The following CLIC5 variants were observed in gnomAD, a reference collection of about 807,000 sequenced individuals.
CLIC5 encodes CLIC family member 5.
CLIC5 carries 20 observed loss-of-function variants against 24.7 expected under a neutral mutation model. That is an observed-to-expected ratio of 0.81 (90% confidence interval 0.57 to 1.18). The LOEUF (loss-of-function observed/expected upper bound fraction) is 1.18. Ranked by LOEUF, CLIC5 falls within the 50% of genes most tolerant of loss-of-function variation. The pLI, the probability that CLIC5 is intolerant of heterozygous loss-of-function variation, is 0.00. For missense variants in CLIC5, 341 were observed against 326.1 expected, an observed-to-expected ratio of 1.05 and a Z score of -0.35; for synonymous variants, 159 against 135.6, an observed-to-expected ratio of 1.17 and a Z score of -1.20.
chr6:45,886,421 C>T (rs572030749), intron 6 of CLIC5, among the ~76,000 whole-genome samples: 1 of 152,318 alleles, frequency 6.6e-6, no homozygotes, highest in South Asian at 2.1e-4. Context: ...CTGTGCATAC[C>T]CCTTTCATCA....
At chr6:46,008,628 T>C (rs2127440140) in intron 1 of CLIC5, among the ~76,000 whole-genome samples, 1 of 151,154 alleles carries the variant, frequency 6.6e-6, no homozygotes, top group Middle Eastern at 3.4e-3. Context: ...TGATTGATTA[T>C]ATTTTATCCC....
the CLIC5 span, among the ~76,000 whole-genome samples, chr6:46,103,324 G>T: frequency 6.6e-6 from 1 of 152,144 alleles, no homozygotes; most frequent in African/African-American, 2.4e-5. Flanking sequence ...ACTTCGAGGT[G>T]GGGTGGCTGT....
In CLIC5 at chr6:45,958,443, T is replaced by TACACACACACACACACACAC. The variant is rs1283521914; in HGVS notation, c.64-3200_64-3199insGTGTGTGTGTGTGTGTGTGT. Among the ~76,000 whole-genome samples the TACACACACACACACACACAC allele has an allele frequency of 5.4e-3, 300 of 55,610 alleles. 22 individuals carry two copies. Among genetic ancestry groups the TACACACACACACACACACAC allele is most frequent in the South Asian group, 0.032 (53 of 1,644 alleles). 36.5% of individuals were successfully genotyped at this position (55,610 alleles called of 152,430 possible). On this transcript the variant is annotated intron_variant, in intron 1 of 5. Coordinates refer to ENST00000339561, the MANE Select transcript of CLIC5 (RefSeq NM_016929.5). Reference sequence around the variant, plus strand: ...ACAATTATATATATATATATATATATATATATATATATATATATATATATA... The same window carrying TACACACACACACACACACAC: ...ACAATTATATATATATATATATATATACACACACACACACACACACATATATATATATATATATATATATA...
intron 1 of CLIC5, among the ~76,000 whole-genome samples, chr6:46,050,880 T>G (rs1377714971): frequency 6.7e-6 from 1 of 149,870 alleles, no homozygotes; most frequent in East Asian, 2.0e-4. Context: ...TGTGTGTGCA[T>G]TCCTCCCCAT....
chr6:46,017,411 T>C (rs770169205), upstream of CLIC5, among the ~76,000 whole-genome samples: 2 of 152,212 alleles, frequency 1.3e-5, no homozygotes, highest in Non-Finnish European at 2.9e-5. Context: ...AATAGTATAA[T>C]GATCCCAATT....
At chr6:46,035,192 A>G (rs1767626641) in intron 1 of CLIC5, among the ~76,000 whole-genome samples, 1 of 152,220 alleles carries the variant, frequency 6.6e-6, no homozygotes, top group Non-Finnish European at 1.5e-5. Flanking sequence ...TGGCAAAACC[A>G]GGCCAGGAAC....
In CLIC5 at chr6:46,079,781, A is replaced by C. The variant is rs770582583; in HGVS notation, c.462T>G (p.Tyr154Ter). Residue 154 changes from tyrosine to a stop codon, truncating the protein, a stop_gained, in exon 1 of 6, where the codon TAT (tyrosine) becomes TAG (stop). Transcript: ENST00000185206. LOFTEE classifies it high-confidence loss of function. Reference sequence around the variant, plus strand: ...AACCTTCAGCATCAGAATAGCAGGAATACTTGGTGGTAGAGAAGGCCTTAC... The same window carrying C: ...AACCTTCAGCATCAGAATAGCAGGACTACTTGGTGGTAGAGAAGGCCTTAC... 2.6e-6 allele frequency: 4 copies of C among 1,552,082 alleles called. No individual in the cohort carries two copies. The highest frequency in any genetic ancestry group is 3.5e-6 in the Non-Finnish European group (4 of 1,147,060).
rs112716207 is a variant in CLIC5, at chr6:45,958,038, T to C, written c.64-2794A>G. ...CCCAAATTCATGTCCCCCTGGAATG[T>C]GTGCATGGGACCTTATTGGGAAACA... On this transcript the variant is annotated intron_variant, in intron 1 of 5. Coordinates refer to ENST00000339561, the MANE Select transcript of CLIC5 (RefSeq NM_016929.5). Among the ~76,000 whole-genome samples the C allele has an allele frequency of 4.9e-4, 74 of 152,156 alleles. 1 individual carries two copies. The highest frequency in any genetic ancestry group is 1.8e-3 in the African/African-American group (73 of 41,518).
downstream of CLIC5, among the ~76,000 whole-genome samples, chr6:45,897,593 G>C (rs544286702): frequency 6.6e-6 from 1 of 152,254 alleles, no homozygotes; most frequent in East Asian, 1.9e-4. Context: ...TGGGTCTGCT[G>C]TTTCATTTCT....
the CLIC5 span, among the ~76,000 whole-genome samples, chr6:46,116,571 A>G: frequency 6.6e-6 from 1 of 152,186 alleles, no homozygotes; most frequent in African/African-American, 2.4e-5. Context: ...TATCTGACAC[A>G]TGTTAAGTGT....
intron 3 of CLIC5, among the ~76,000 whole-genome samples, chr6:45,944,657 T>C (rs947478509): frequency 6.6e-6 from 1 of 151,750 alleles, no homozygotes; most frequent in Non-Finnish European, 1.5e-5. Flanking sequence ...GAGTCCCAGC[T>C]GACTTCTCAC....
At chr6:45,898,214 A>C (rs1427664322), downstream of CLIC5, among the ~76,000 whole-genome samples, 1 of 152,154 alleles carries the variant, frequency 6.6e-6, no homozygotes, top group South Asian at 2.1e-4. Context: ...CTGGGATTAC[A>C]GTCGAATCAC....
Sources: allele counts gnomAD v4.1 joint callset (sites outside exome capture counted in the v4.1 genomes callset), GRCh38; gene constraint gnomAD v4.1.1; transcripts MANE v1.5; gene names NCBI Gene and HGNC (gene_info 2026-07-23, HGNC 2026-07-21).